Variants in DPYSL4 observed in about 807,000 individuals in gnomAD.
The protein encoded by DPYSL4 is dihydropyrimidinase-related protein 4.
In DPYSL4, 43 loss-of-function variants were observed where a neutral mutation model predicts 63.4. That is an observed-to-expected ratio of 0.68 (90% CI 0.53 to 0.88). DPYSL4 has a LOEUF of 0.88. Ranked by LOEUF, DPYSL4 falls within the 40% of genes least tolerant of loss-of-function variation. The probability of loss-of-function intolerance (pLI) is 0.00; values close to 1 mark genes in which losing one functional copy is unlikely to be tolerated. For missense variants in DPYSL4, 733 were observed against 819.5 expected (o/e 0.89, Z 1.29); for synonymous variants, 353 against 331.7 (o/e 1.06, Z -0.70).
rs1225872560 is a variant in DPYSL4, at chr10:132,197,016, C to T, written c.541-5C>T. ...CACCCAGGACGCCACCACTTCTCTT[C>T]CCAGATGTACGAGATCTTCAGCATC... On this transcript the variant is annotated splice_region_variant and splice_polypyrimidine_tract_variant and intron_variant, in intron 5 of 13. Coordinates refer to ENST00000338492, the MANE Select transcript of DPYSL4 (RefSeq NM_006426.3). 1 of 1,609,674 alleles carries T rather than the reference C, an allele frequency of 6.2e-7. No individual in the cohort carries two copies. Among genetic ancestry groups the T allele is most frequent in the Non-Finnish European group, 8.5e-7 (1 of 1,177,722 alleles).
chr10:132,202,675 G>C lies in DPYSL4; in HGVS notation c.1311G>C (p.Val437=). 1 of 1,613,118 alleles carries C rather than the reference G, an allele frequency of 6.2e-7. No homozygotes were observed. Among genetic ancestry groups the C allele is most frequent in the Non-Finnish European group, 8.5e-7 (1 of 1,179,982 alleles). Reference sequence around the variant, plus strand: ...TGGAGTACAACATCTTCGAGGGAGTGGAGTGCCGGGGAGCGCCTGCCGTGG... The same window carrying C: ...TGGAGTACAACATCTTCGAGGGAGTCGAGTGCCGGGGAGCGCCTGCCGTGG... ...LNVEYNIFEG[V]ECRGAPAVVI... Residue 437 remains valine (V), a synonymous_variant, in exon 12 of 14, where the codon GTG becomes GTC. Transcript: ENST00000338492.
intron 1 of DPYSL4, among the ~76,000 whole-genome samples, chr10:132,190,497 C>T (rs1168642620): frequency 2.0e-5 from 3 of 152,374 alleles, no homozygotes; most frequent in Non-Finnish European, 2.9e-5. Flanking sequence ...TTCACCAACA[C>T]GGGCTTTGCC....
intron 4 of DPYSL4, among the ~76,000 whole-genome samples, 158 bp downstream of exon 4, chr10:132,195,167 C>T (rs1228462560): frequency 6.6e-6 from 1 of 152,166 alleles, no homozygotes; most frequent in African/African-American, 2.4e-5. Flanking sequence ...CCCATCCCAC[C>T]TTCAAAGGCT....
intron 6 of DPYSL4, 86 bp downstream of exon 6, chr10:132,197,187 G>A (rs772394963): frequency 8.1e-7 from 1 of 1,229,612 alleles, no homozygotes; most frequent in Non-Finnish European, 1.1e-6. Flanking sequence ...GGGGTCTGAG[G>A]GTGACTTTCA....
intron 2 of DPYSL4, 29 bp from the exon 3 acceptor site, chr10:132,192,629 G>C: frequency 1.3e-6 from 2 of 1,577,544 alleles, no homozygotes; most frequent in Middle Eastern, 1.7e-4. Context: ...TGGGCTCCCT[G>C]TAACCAGTGA....
chr10:132,190,902 A>G (rs964840984), intron 2 of DPYSL4, 67 bp downstream of exon 2: 205 of 1,513,660 alleles, frequency 1.4e-4, no homozygotes, highest in Non-Finnish European at 1.8e-4. Context: ...CGTGGTATCC[A>G]GGCAGTTGAA....
intron 9 of DPYSL4, 65 bp downstream of exon 9, chr10:132,200,577 C>G (rs1378805028): frequency 6.3e-7 from 1 of 1,579,548 alleles, no homozygotes; most frequent in Non-Finnish European, 8.6e-7. Context: ...AGGCTGTGGC[C>G]CCGACACCCC....
intron 10 of DPYSL4, 61 bp from the exon 11 acceptor site, chr10:132,201,885 C>T: frequency 1.3e-6 from 2 of 1,544,932 alleles, no homozygotes; most frequent in South Asian, 1.2e-5. Context: ...AGTGTCTGTC[C>T]TCGCGCAAGC....
intron 1 of DPYSL4, 31 bp downstream of exon 1, chr10:132,187,133 C>A: frequency 6.6e-7 from 1 of 1,512,528 alleles, no homozygotes; most frequent in Non-Finnish European, 8.9e-7. Context: ...CCCGGCGCCC[C>A]CTGCCCGCCG....
intron 1 of DPYSL4, among the ~76,000 whole-genome samples, 190 bp from the exon 2 acceptor site, chr10:132,190,557 G>A (rs1293556240): frequency 1.3e-5 from 2 of 152,382 alleles, no homozygotes; most frequent in Middle Eastern, 3.4e-3. Flanking sequence ...CACTTCCAGG[G>A]GCAACTGTTT....
intron 1 of DPYSL4, among the ~76,000 whole-genome samples, chr10:132,188,234 C>T (rs568791052): frequency 2.6e-4 from 40 of 152,292 alleles, no homozygotes; most frequent in Admixed American, 5.2e-4. Flanking sequence ...CGGGAACTTT[C>T]ACCTCCATCC....
intron 4 of DPYSL4, among the ~76,000 whole-genome samples, chr10:132,195,229 G>A (rs1207958907): frequency 6.6e-6 from 1 of 152,182 alleles, no homozygotes; most frequent in Non-Finnish European, 1.5e-5. Flanking sequence ...TCCTGGAATT[G>A]TCCTCCTGAT....
chr10:132,196,259 G>A (rs2061942778), intron 4 of DPYSL4, among the ~76,000 whole-genome samples: 1 of 152,216 alleles, frequency 6.6e-6, no homozygotes, highest in Non-Finnish European at 1.5e-5. Flanking sequence ...ATGGGCTGTG[G>A]CTGCCCAGGA....
At chr10:132,196,549 G>A (rs886209018) in intron 4 of DPYSL4, among the ~76,000 whole-genome samples, 2 of 152,234 alleles carry the variant, frequency 1.3e-5, no homozygotes, top group Non-Finnish European at 2.9e-5. Context: ...GGCTCTTCCA[G>A]TAACGGGGGG....
rs1052556 is a variant in DPYSL4, at chr10:132,203,884, C to G, written c.1584C>G (p.Val528=). 0.12 allele frequency: 190,599 copies of G among 1,612,232 alleles called. 13,004 individuals are homozygous for G. Among genetic ancestry groups the G allele is most frequent in the East Asian group, 0.36 (16,298 of 44,828 alleles). Residue 528 remains valine, a synonymous_variant, in exon 13 of 14, where the codon GTC becomes GTG. Transcript: ENST00000338492. ...ARASCPGKIS[V]PPVRNLHQSG... is the part of the protein sequence containing the mutation. ...CGTCCTGCCCAGGCAAGATCTCCGTCCCTCCTGTGCGCAACCTACATCAGT... is the reference window on the plus strand; with the variant it reads ...CGTCCTGCCCAGGCAAGATCTCCGTGCCTCCTGTGCGCAACCTACATCAGT...
At chr10:132,196,574 G>C (rs1489657898) in intron 4 of DPYSL4, among the ~76,000 whole-genome samples, 1 of 152,284 alleles carries the variant, frequency 6.6e-6, no homozygotes, top group Non-Finnish European at 1.5e-5. Context: ...CTGGATGGGT[G>C]TGAGGGGTTC....
chr10:132,201,048 G>A, intron 10 of DPYSL4, 65 bp downstream of exon 10: 1 of 1,579,792 alleles, frequency 6.3e-7, no homozygotes, highest in South Asian at 1.2e-5. Flanking sequence ...TGTGATGGCT[G>A]GTCAGAAGGG....
In DPYSL4 at chr10:132,201,955, A is replaced by C. The variant is rs2062023885; in HGVS notation, c.1120A>C (p.Lys374Gln). Reference protein sequence around the residue: ...MVWEKCVASGKMDENEFVAVT... With the variant: ...MVWEKCVASGQMDENEFVAVT... ...CCTTCTTGTTCCCCAGGCCTCTGGG[A>C]AGATGGACGAGAATGAGTTCGTCGC... Residue 374 changes from lysine (K) to glutamine (Q), a missense_variant, in exon 11 of 14, where the codon AAG becomes CAG. Lys to Gln is a moderately conservative substitution (Grantham distance 53). Coordinates refer to ENST00000338492, the MANE Select transcript of DPYSL4 (RefSeq NM_006426.3). The C allele has an allele frequency of 6.2e-7, 1 of 1,612,500 alleles. No individual in the cohort carries two copies. Among genetic ancestry groups the C allele is most frequent in the African/African-American group, 1.3e-5 (1 of 75,046 alleles).
At chr10:132,203,500 G>A (rs2062049379) in intron 12 of DPYSL4, 1 of 512,162 alleles carries the variant, frequency 2.0e-6, no homozygotes, top group African/African-American at 1.9e-5. Flanking sequence ...TGAGGGGAGG[G>A]ACGTTTGCAC....
Sources: gnomAD v4.1 joint callset for allele counts (sites outside exome capture counted in the v4.1 genomes callset) on GRCh38, gnomAD v4.1.1 for gene constraint, MANE v1.5 for transcripts, NCBI Gene and HGNC (gene_info 2026-07-23, HGNC 2026-07-21) for gene names.